WWP2: variants seen among roughly 807,000 people sequenced by gnomAD.
The protein encoded by WWP2 is WW domain containing E3 ubiquitin protein ligase 2, also known as NEDD4-like E3 ubiquitin-protein ligase WWP2.
Under a neutral mutation model 121.0 loss-of-function variants are expected in WWP2, and 57 were observed. That is an observed-to-expected ratio of 0.47 (90% CI 0.38 to 0.59). The LOEUF (loss-of-function observed/expected upper bound fraction) is 0.59. Ranked by LOEUF, WWP2 falls within the 20% of genes least tolerant of loss-of-function variation. The probability of loss-of-function intolerance (pLI) is 0.00; values close to 1 mark genes in which losing one functional copy is unlikely to be tolerated. For missense variants in WWP2, 962 were observed against 1,158.9 expected (o/e 0.83, Z 2.47); for synonymous variants, 449 against 441.3 (o/e 1.02, Z -0.22).
intron 4 of WWP2, among the ~76,000 whole-genome samples, chr16:69,836,985 A>C (rs1304906817): frequency 6.6e-6 from 1 of 151,344 alleles, no homozygotes; most frequent in African/African-American, 2.4e-5. Flanking sequence ...GTGCCCTGGC[A>C]TGATCTTGGC....
intron 8 of WWP2, among the ~76,000 whole-genome samples, chr16:69,900,310 T>G (rs998883550): frequency 1.3e-5 from 2 of 152,150 alleles, no homozygotes; most frequent in African/African-American, 4.8e-5. Flanking sequence ...ACTGCCAACC[T>G]TTTATCTGCA....
intron 2 of WWP2, among the ~76,000 whole-genome samples, chr16:69,793,900 T>A (rs1319335421): frequency 6.6e-6 from 1 of 150,722 alleles, no homozygotes; most frequent in African/African-American, 2.4e-5. Context: ...GAAGGGCTGT[T>A]ATTATCCTTG....
intron 8 of WWP2, among the ~76,000 whole-genome samples, chr16:69,897,705 C>T (rs575979937): frequency 1.1e-4 from 17 of 152,058 alleles, no homozygotes; most frequent in Non-Finnish European, 1.9e-4. Flanking sequence ...GTCAGGAGTT[C>T]GAGACCAGCC....
chr16:69,828,607 C>T (rs779784766), intron 4 of WWP2, among the ~76,000 whole-genome samples: 3 of 152,180 alleles, frequency 2.0e-5, no homozygotes, highest in South Asian at 2.1e-4. Context: ...TCAGGTGATC[C>T]GCCTGCCTTG....
intron 6 of WWP2, among the ~76,000 whole-genome samples, chr16:69,863,564 G>T (rs529238341): frequency 1.3e-5 from 2 of 151,914 alleles, no homozygotes; most frequent in Non-Finnish European, 2.9e-5. Flanking sequence ...GCTTGAACCT[G>T]GTGGGGGCAG....
At chr16:69,843,957 T>C (rs896401448) in intron 6 of WWP2, among the ~76,000 whole-genome samples, 8 of 152,200 alleles carry the variant, frequency 5.3e-5, no homozygotes, top group Non-Finnish European at 1.0e-4. Context: ...ACCCGCAGCA[T>C]CTTAAAAGAT....
chr16:69,883,859 T>A (rs574727946), intron 7 of WWP2, among the ~76,000 whole-genome samples: 1 of 152,314 alleles, frequency 6.6e-6, no homozygotes, highest in East Asian at 1.9e-4. Flanking sequence ...TGCAGCTGCA[T>A]AAACAGTCAG....
intron 4 of WWP2, among the ~76,000 whole-genome samples, chr16:69,839,096 A>C (rs981019880): frequency 7.2e-6 from 1 of 138,598 alleles, no homozygotes; most frequent in African/African-American, 2.7e-5. Flanking sequence ...TCTAGAAGAC[A>C]GGTAAGATAG....
Position 69,821,008 on chromosome 16 carries a change from T to C in WWP2, c.341-19118T>C, listed in dbSNP as rs373769408. ...TGCCCACTCCGGCGAGGCTATGGGC[T>C]GAGCCCAGTTCCAGCCGCCAAATGC... On this transcript the variant is annotated intron_variant, in intron 4 of 23. Transcript: ENST00000359154. 1.9e-3 allele frequency among the ~76,000 whole-genome samples: 296 copies of C among 152,384 alleles called. 3 individuals carry two copies. The highest frequency in any genetic ancestry group is 6.6e-3 in the African/African-American group (276 of 41,596).
At chr16:69,815,077 A>T (rs1236651536) in intron 4 of WWP2, among the ~76,000 whole-genome samples, 1 of 152,058 alleles carries the variant, frequency 6.6e-6, no homozygotes, top group Non-Finnish European at 1.5e-5. Context: ...ATCTTGGCTC[A>T]CTGCAACCTT....
At chr16:69,770,175 G>C (rs961647785) in intron 1 of WWP2, among the ~76,000 whole-genome samples, 1 of 152,080 alleles carries the variant, frequency 6.6e-6, no homozygotes, top group Non-Finnish European at 1.5e-5. Context: ...GTCTTTTTGT[G>C]TGCTAATAAT....
intron 1 of WWP2, among the ~76,000 whole-genome samples, chr16:69,772,395 GGC>G (rs1285384079): frequency 6.6e-6 from 1 of 152,178 alleles, no homozygotes; most frequent in South Asian, 2.1e-4. Context: ...ACTGATGCAG[GGC>G]ACGTGAGCCC....
intron 1 of WWP2, among the ~76,000 whole-genome samples, chr16:69,762,961 G>C (rs1337455744): frequency 6.6e-6 from 1 of 152,072 alleles, no homozygotes; most frequent in Non-Finnish European, 1.5e-5. Flanking sequence ...CGCCCACTTA[G>C]TCCTGCGTGG....
chr16:69,875,550 A>G (rs1360643591), intron 7 of WWP2, among the ~76,000 whole-genome samples: 2 of 152,246 alleles, frequency 1.3e-5, no homozygotes, highest in Admixed American at 6.5e-5. Flanking sequence ...CAATTCTCTC[A>G]AACTTTGCTG....
At chr16:69,917,916 C>G (rs1385447090) in intron 10 of WWP2, 33 bp downstream of exon 10, 2 of 1,592,968 alleles carry the variant, frequency 1.3e-6, no homozygotes, top group East Asian at 4.5e-5. Flanking sequence ...CGAGGTGGGG[C>G]CGCCTCCCTG....
At chr16:69,851,030 CAG>C (rs1387861493) in intron 6 of WWP2, among the ~76,000 whole-genome samples, 1 of 117,268 alleles carries the variant, frequency 8.5e-6, no homozygotes, top group East Asian at 2.7e-4. Context: ...TTTTTTTGGA[CAG>C]AGTCTCGCTC....
At chr16:69,843,061 T>TTA (rs2057008660) in intron 6 of WWP2, among the ~76,000 whole-genome samples, 2 of 151,960 alleles carry the variant, frequency 1.3e-5, no homozygotes, top group South Asian at 4.2e-4. Flanking sequence ...GCTAAGTAGG[T>TTA]TATTGGATAA....
chr16:69,770,732 A>G (rs1248430211), intron 1 of WWP2, among the ~76,000 whole-genome samples: 3 of 152,054 alleles, frequency 2.0e-5, no homozygotes, highest in Non-Finnish European at 4.4e-5. Context: ...TGCTATTTCC[A>G]GGTGGATAGT....
chr16:69,931,978 C>A, intron 16 of WWP2, 88 bp downstream of exon 16: 1 of 1,251,038 alleles, frequency 8.0e-7, no homozygotes, highest in Non-Finnish European at 1.1e-6. Context: ...GCCCCCTGCT[C>A]ACATTCCCTC....
Sources: allele counts gnomAD v4.1 joint callset (sites outside exome capture counted in the v4.1 genomes callset), GRCh38; gene constraint gnomAD v4.1.1; transcripts MANE v1.5; gene names NCBI Gene and HGNC (gene_info 2026-07-23, HGNC 2026-07-21).